The following XKR4 variants were observed in gnomAD, a reference collection of about 807,000 sequenced individuals.
The protein encoded by XKR4 is XK related 4, also known as XK-related protein 4.
XKR4 carries 12 observed loss-of-function variants against 53.9 expected under a neutral mutation model. The observed-to-expected ratio is 0.22, with a 90% confidence interval of 0.14 to 0.36. The LOEUF (loss-of-function observed/expected upper bound fraction) is 0.36, where lower values mean the gene tolerates loss of function less well. Ranked by LOEUF, XKR4 falls within the 10% of genes least tolerant of loss-of-function variation. The probability of loss-of-function intolerance (pLI) is 1.00; values close to 1 mark genes in which losing one functional copy is unlikely to be tolerated. For missense variants in XKR4, 799 were observed against 859.5 expected (o/e 0.93, Z 0.88); for synonymous variants, 354 against 362.4 (o/e 0.98, Z 0.26).
At chr8:55,267,070 G>C (rs1269426618) in intron 1 of XKR4, among the ~76,000 whole-genome samples, 1 of 152,192 alleles carries the variant, frequency 6.6e-6, no homozygotes, top group Non-Finnish European at 1.5e-5. Context: ...GGTTGGTGCA[G>C]GAAGCATTTT....
intron 1 of XKR4, among the ~76,000 whole-genome samples, chr8:55,289,099 T>C (rs1818946800): frequency 4.6e-5 from 7 of 152,198 alleles, no homozygotes; most frequent in Admixed American, 4.6e-4. Context: ...TTTTTTACTA[T>C]TATGAATAAA....
intron 1 of XKR4, among the ~76,000 whole-genome samples, chr8:55,197,226 A>G (rs1223647995): frequency 6.6e-6 from 1 of 152,128 alleles, no homozygotes; most frequent in Non-Finnish European, 1.5e-5. Flanking sequence ...CCATTTCCAT[A>G]TATCTATAAT....
At chr8:55,199,769 C>T (rs947098619) in intron 1 of XKR4, among the ~76,000 whole-genome samples, 18 of 152,220 alleles carry the variant, frequency 1.2e-4, no homozygotes, top group African/African-American at 2.9e-4. Context: ...AAGATAGCCA[C>T]ATAATAGTAG....
intron 1 of XKR4, among the ~76,000 whole-genome samples, chr8:55,258,977 G>C (rs137897557): frequency 7.9e-5 from 12 of 152,336 alleles, no homozygotes; most frequent in Non-Finnish European, 1.8e-4. Flanking sequence ...TTCATCACAA[G>C]AGACTGAATT....
chr8:55,312,698 T>C (rs1819406008), intron 1 of XKR4, among the ~76,000 whole-genome samples: 1 of 152,264 alleles, frequency 6.6e-6, no homozygotes, highest in Admixed American at 6.5e-5. Flanking sequence ...AAGTATTCTC[T>C]TTTCATGAAT....
chr8:55,297,947 G>T (rs962010284), intron 1 of XKR4, among the ~76,000 whole-genome samples: 2 of 152,154 alleles, frequency 1.3e-5, no homozygotes, highest in Non-Finnish European at 1.5e-5. Flanking sequence ...ATCATGTAAA[G>T]TTCCATCAGC....
intron 1 of XKR4, among the ~76,000 whole-genome samples, chr8:55,353,197 A>T (rs765988142): frequency 2.6e-5 from 4 of 152,202 alleles, no homozygotes; most frequent in Non-Finnish European, 4.4e-5. Context: ...TCCCTTACAG[A>T]TACTGAAGTC....
At chr8:55,252,436 C>G (rs1818374246) in intron 1 of XKR4, among the ~76,000 whole-genome samples, 1 of 152,200 alleles carries the variant, frequency 6.6e-6, no homozygotes, top group Admixed American at 6.5e-5. Context: ...ACTGCCTGCT[C>G]TTGGAACAAA....
intron 2 of XKR4, among the ~76,000 whole-genome samples, chr8:55,508,888 T>C (rs1020345030): frequency 6.6e-6 from 1 of 152,236 alleles, no homozygotes. Context: ...TGTACTGACT[T>C]GACTTTGAGG....
chr8:55,495,275 G>A (rs1806325758), intron 2 of XKR4, among the ~76,000 whole-genome samples: 1 of 152,188 alleles, frequency 6.6e-6, no homozygotes. Flanking sequence ...CCTGCTGCAG[G>A]TAGCGAGGGC....
At chr8:55,271,427 C>T (rs140614784) in intron 1 of XKR4, among the ~76,000 whole-genome samples, 99 of 152,118 alleles carry the variant, frequency 6.5e-4, no homozygotes, top group African/African-American at 2.3e-3. Flanking sequence ...TTGAGGATTT[C>T]GAAAAGTAGT....
Position 55,307,082 on chromosome 8 carries a change from C to T in XKR4, c.807-50596C>T, listed in dbSNP as rs74523794. ...AAAATATTTGAGACCTAGGACTAGG[C>T]AATGAGTTCTTAGATTTGACACCAA... On this transcript the variant is annotated intron_variant, in intron 1 of 2. Transcript: ENST00000327381. Among the ~76,000 whole-genome samples, 225 of 151,834 alleles carry T rather than the reference C, an allele frequency of 1.5e-3. 2 individuals carry two copies. The East Asian group carries it at 0.036, about 25-fold the overall frequency.
rs1312551787 is a variant in XKR4 at position 55,534,758 on chromosome 8, C to G, written c.*10531C>G. 2 of 148,904 alleles carry G rather than the reference C, an allele frequency of 1.3e-5. No homozygotes were observed. Among genetic ancestry groups the G allele is most frequent in the African/African-American group, 2.5e-5 (1 of 40,192 alleles). 9.2% of individuals were successfully genotyped at this position (148,904 alleles called of 1,614,324 possible). A position where few individuals can be genotyped will look rare whatever the true frequency, so the allele number is the denominator to read the frequency against. Reference sequence around the variant, plus strand: ...ATACATGGTTCTTTCTCCCTTGCTTCTGGGTTTTGTTTTTTTTTTTTCAAA... The same window carrying G: ...ATACATGGTTCTTTCTCCCTTGCTTGTGGGTTTTGTTTTTTTTTTTTCAAA... On this transcript the variant is annotated 3_prime_UTR_variant, in exon 3 of 3. Coordinates refer to ENST00000327381, the MANE Select transcript of XKR4 (RefSeq NM_052898.2).
chr8:55,129,364 GGGAGGTAAA>G (rs1816522694), intron 1 of XKR4, among the ~76,000 whole-genome samples: 1 of 152,180 alleles, frequency 6.6e-6, no homozygotes, highest in Non-Finnish European at 1.5e-5. Flanking sequence ...GTCGGGTGCC[GGGAGGTAAA>G]ACTGCCTTGC....
At chr8:55,391,517 A>T (rs1804442988) in intron 2 of XKR4, among the ~76,000 whole-genome samples, 1 of 152,240 alleles carries the variant, frequency 6.6e-6, no homozygotes, top group Non-Finnish European at 1.5e-5. Context: ...TCAAAGAAAA[A>T]TATGTATGGT....
In XKR4 at chr8:55,334,108, G is replaced by A. The variant is rs545518334; in HGVS notation, c.807-23570G>A. ...AGAAAAATGAAAGAAGGAAATGAAA[G>A]ACCTACTAATTAAACAAACCTAAGT... On this transcript the variant is annotated intron_variant, in intron 1 of 2. Coordinates refer to ENST00000327381, the MANE Select transcript of XKR4 (RefSeq NM_052898.2). Among the ~76,000 whole-genome samples, 36 of 152,196 alleles carry A rather than the reference G, an allele frequency of 2.4e-4. 1 individual carries two copies. The South Asian group carries it at 5.2e-3, about 22-fold the overall frequency.
At chr8:55,244,753 C>T (rs1394768832) in intron 1 of XKR4, among the ~76,000 whole-genome samples, 1 of 152,042 alleles carries the variant, frequency 6.6e-6, no homozygotes, top group Non-Finnish European at 1.5e-5. Flanking sequence ...TAATAATATC[C>T]ATTCTGACTG....
At chr8:55,155,282 G>C (rs550813914) in intron 1 of XKR4, among the ~76,000 whole-genome samples, 60 of 152,210 alleles carry the variant, frequency 3.9e-4, no homozygotes, top group Middle Eastern at 3.4e-3. Context: ...AATGAACAAC[G>C]CTGGTGAAAA....
intron 2 of XKR4, among the ~76,000 whole-genome samples, chr8:55,433,628 T>C (rs542459446): frequency 6.6e-6 from 1 of 152,332 alleles, no homozygotes; most frequent in South Asian, 2.1e-4. Context: ...ATGAAACCTT[T>C]GAAAAGGCAA....
Sources: gnomAD v4.1 joint callset for allele counts (sites outside exome capture counted in the v4.1 genomes callset) on GRCh38, gnomAD v4.1.1 for gene constraint, MANE v1.5 for transcripts, NCBI Gene and HGNC (gene_info 2026-07-23, HGNC 2026-07-21) for gene names.